The following DSC3 variants were observed in gnomAD, a reference collection of about 807,000 sequenced individuals.
DSC3 encodes the protein desmocollin-3.
In DSC3, 97 loss-of-function variants were observed where a neutral mutation model predicts 89.5. That is an observed-to-expected ratio of 1.08 (90% CI 0.92 to 1.28). DSC3 has a LOEUF of 1.28. Among genes scored for constraint, DSC3 ranks in the 50% most tolerant of loss-of-function variants. The pLI, the probability that DSC3 is intolerant of heterozygous loss-of-function variation, is 0.00. For synonymous variants in DSC3, 436 were observed against 384.1 expected, an observed-to-expected ratio of 1.14 and a Z score of -1.58; for missense variants, 1,199 against 1,085.3, an observed-to-expected ratio of 1.10 and a Z score of -1.47.
rs1007792183 is a variant in DSC3, at chr18:31,015,716, A to C, written c.1263+2355T>G. ...TCTGACCAAGGAGCAGATAGACAGC[A>C]CACCAAAAGGTCTGAGCTTGGGTCT... is the stretch of plus-strand genomic sequence containing the variant. On this transcript the variant is annotated intron_variant, in intron 9 of 15. Coordinates refer to ENST00000360428, the MANE Select transcript of DSC3 (RefSeq NM_001941.5). Among the ~76,000 whole-genome samples the C allele has an allele frequency of 2.0e-5, 3 of 152,342 alleles. No individual in the cohort carries two copies. The East Asian group carries it at 5.8e-4, about 29-fold the overall frequency.
At chr18:31,029,695 T>A (rs1036363855) in intron 3 of DSC3, 67 bp from the exon 4 acceptor site, 4 of 1,594,868 alleles carry the variant, frequency 2.5e-6, no homozygotes, top group Non-Finnish European at 3.4e-6. Flanking sequence ...TGTAAAATAG[T>A]GGACAGCTCA....
At chr18:31,041,274 C>T (rs1014810505) in intron 1 of DSC3, among the ~76,000 whole-genome samples, 1 of 152,218 alleles carries the variant, frequency 6.6e-6, no homozygotes, top group Non-Finnish European at 1.5e-5. Flanking sequence ...GCTGAAAATG[C>T]TTTTAAATAT....
At chr18:31,030,712 G>T (rs901364734) in intron 3 of DSC3, among the ~76,000 whole-genome samples, 1 of 151,654 alleles carries the variant, frequency 6.6e-6, no homozygotes, top group African/African-American at 2.4e-5. Context: ...GGGAGAGAGG[G>T]AAGGTGACAG....
At chr18:30,998,515 G>GAT (rs1305350312) in intron 14 of DSC3, among the ~76,000 whole-genome samples, 1 of 152,176 alleles carries the variant, frequency 6.6e-6, no homozygotes, top group African/African-American at 2.4e-5. Context: ...TTGAGCTGGA[G>GAT]ATATAATTCT....
At position 31,042,703 on chromosome 18, in the gene DSC3, G is replaced by A; in HGVS notation, c.-43C>T. The A allele has an allele frequency of 3.9e-6, 6 of 1,534,854 alleles. No homozygotes were observed. The highest frequency in any genetic ancestry group is 3.6e-5 in the South Asian group (3 of 83,154). ...CCAGGAGAACGCGGGCGCCGGGAGG[G>A]TGCCGAGAGCGAGACCTGCCGAGGT... On this transcript the variant is annotated 5_prime_UTR_variant, in exon 1 of 16. Transcript: ENST00000360428.
chr18:31,029,401 A>C (rs1298765189), intron 4 of DSC3, 108 bp downstream of exon 4: 6 of 1,410,018 alleles, frequency 4.3e-6, no homozygotes, highest in Non-Finnish European at 5.9e-6. Flanking sequence ...CCTCATGAAC[A>C]TCTTTAATCA....
At chr18:31,006,106 C>T (rs1010293299) in intron 12 of DSC3, among the ~76,000 whole-genome samples, 5 of 152,022 alleles carry the variant, frequency 3.3e-5, no homozygotes, top group Admixed American at 3.3e-4. Flanking sequence ...CATGACAGCC[C>T]CCAGAAACTG....
intron 7 of DSC3, among the ~76,000 whole-genome samples, chr18:31,021,203 T>C (rs776473904): frequency 6.6e-6 from 1 of 152,074 alleles, no homozygotes; most frequent in Admixed American, 6.6e-5. Context: ...ATCTTACAAG[T>C]TGTGGACCCC....
intron 9 of DSC3, 86 bp from the exon 10 acceptor site, chr18:31,008,611 C>T: frequency 1.3e-6 from 2 of 1,520,056 alleles, no homozygotes; most frequent in Non-Finnish European, 1.8e-6. Context: ...TCATCCTGAC[C>T]AGTGCTGCAT....
In DSC3 at chr18:30,990,937, G is replaced by T. The variant is rs1984216332; in HGVS notation, c.*3238C>A. 1.3e-5 allele frequency: 2 copies of T among 151,322 alleles called. No homozygotes were observed. Among genetic ancestry groups the T allele is most frequent in the South Asian group, 4.2e-4 (2 of 4,738 alleles). 9.4% of individuals were successfully genotyped at this position (151,322 alleles called of 1,614,324 possible). On this transcript the variant is annotated 3_prime_UTR_variant, in exon 16 of 16. Coordinates refer to ENST00000360428, the MANE Select transcript of DSC3 (RefSeq NM_001941.5). ...GTCGACAATTTGATAATGAAACATTGTCCAAAATATTCCCCATTAATACAA... is the reference window on the plus strand; with the variant it reads ...GTCGACAATTTGATAATGAAACATTTTCCAAAATATTCCCCATTAATACAA...
At chr18:31,034,401 C>T (rs145396868) in intron 1 of DSC3, among the ~76,000 whole-genome samples, 1 of 152,116 alleles carries the variant, frequency 6.6e-6, no homozygotes, top group African/African-American at 2.4e-5. Flanking sequence ...GTGAGGATGT[C>T]GAGAAACTGA....
intron 1 of DSC3, among the ~76,000 whole-genome samples, chr18:31,038,319 C>G (rs951250881): frequency 1.3e-5 from 2 of 152,096 alleles, no homozygotes; most frequent in Non-Finnish European, 2.9e-5. Context: ...AAACCTGGGC[C>G]TGGTGGATCT....
chr18:31,016,173 T>G (rs114287760), intron 9 of DSC3, among the ~76,000 whole-genome samples: 1,902 of 152,246 alleles, frequency 0.012, 45 homozygotes, highest in African/African-American at 0.044. Flanking sequence ...CCACCCCTTA[T>G]TTAGCATATA....
At chr18:31,001,540 C>T (rs1327431000) in intron 14 of DSC3, 78 bp downstream of exon 14, 1 of 1,521,022 alleles carries the variant, frequency 6.6e-7, no homozygotes, top group Non-Finnish European at 9.0e-7. Flanking sequence ...AAATTAACTC[C>T]TAAATTTTGA....
chr18:31,031,733 C>T (rs902577886), intron 2 of DSC3, among the ~76,000 whole-genome samples: 4 of 152,186 alleles, frequency 2.6e-5, no homozygotes, highest in Non-Finnish European at 4.4e-5. Context: ...TCCAAGGCCG[C>T]ACACTGAAAC....
At chr18:31,037,874 G>C (rs1180381465) in intron 1 of DSC3, among the ~76,000 whole-genome samples, 1 of 151,542 alleles carries the variant, frequency 6.6e-6, no homozygotes, top group Non-Finnish European at 1.5e-5. Flanking sequence ...CTCCAGCCTG[G>C]GGAACAGAGC....
At chr18:31,020,217 T>C (rs995878316) in intron 7 of DSC3, among the ~76,000 whole-genome samples, 2 of 152,058 alleles carry the variant, frequency 1.3e-5, no homozygotes, top group African/African-American at 2.4e-5. Flanking sequence ...TAGATGGTGG[T>C]TGAAATTATG....
chr18:31,037,769 A>G (rs1233163517), intron 1 of DSC3, among the ~76,000 whole-genome samples: 2 of 152,074 alleles, frequency 1.3e-5, no homozygotes, highest in Non-Finnish European at 2.9e-5. Context: ...CTGTGGTGGC[A>G]CAAGCCTGTA....
chr18:31,020,967 G>A (rs1447542288), intron 7 of DSC3, among the ~76,000 whole-genome samples: 4 of 151,684 alleles, frequency 2.6e-5, no homozygotes, highest in African/African-American at 9.7e-5. Context: ...TACAAACAGA[G>A]AAAGTAAACC....
Sources: allele counts gnomAD v4.1 joint callset (sites outside exome capture counted in the v4.1 genomes callset), GRCh38; gene constraint gnomAD v4.1.1; transcripts MANE v1.5; gene names NCBI Gene and HGNC (gene_info 2026-07-23, HGNC 2026-07-21).